ZNF724: variants seen among roughly 807,000 people sequenced by gnomAD.
ZNF724 encodes zinc finger protein 724.
ZNF724 carries 14 observed loss-of-function variants against 29.3 expected under a neutral mutation model. The ratio of observed to expected loss-of-function variants is 0.48; its 90% confidence interval spans 0.32 to 0.75. ZNF724 has a LOEUF of 0.75. Among genes scored for constraint, ZNF724 ranks in the 30% least tolerant of loss-of-function variants. ZNF724 has a pLI of 0.04. For missense variants in ZNF724, 557 were observed against 571.2 expected, an observed-to-expected ratio of 0.98 and a Z score of 0.25; for synonymous variants, 180 against 193.6, an observed-to-expected ratio of 0.93 and a Z score of 0.58.
At chr19:23,233,054 A>T (rs1440143150) in intron 1 of ZNF724, among the ~76,000 whole-genome samples, 1 of 152,216 alleles carries the variant, frequency 6.6e-6, no homozygotes, top group African/African-American at 2.4e-5. Flanking sequence ...CTGCACTAGG[A>T]CAAATTTTTA....
intron 1 of ZNF724, among the ~76,000 whole-genome samples, chr19:23,243,804 T>G (rs979609035): frequency 6.6e-6 from 1 of 151,264 alleles, no homozygotes; most frequent in Non-Finnish European, 1.5e-5. Flanking sequence ...GCACCTGTAA[T>G]CCCAACTACT....
At chr19:23,237,775 A>C (rs1972047126) in intron 1 of ZNF724, among the ~76,000 whole-genome samples, 1 of 152,014 alleles carries the variant, frequency 6.6e-6, no homozygotes, top group African/African-American at 2.4e-5. Flanking sequence ...TTGTCTACAA[A>C]CACTACACAT....
In ZNF724 at chr19:23,231,323, C is replaced by T. The variant is rs1480970140; in HGVS notation, c.169G>A (p.Glu57Lys). ...ATATTCCAGGGCTCTTTGCCTTGCTCCAGACAGGTGATCAGGTCTGGCTTA... is the reference window on the plus strand; with the variant it reads ...ATATTCCAGGGCTCTTTGCCTTGCTTCAGACAGGTGATCAGGTCTGGCTTA... ...VSKPDLITCL[E>K]QGKEPWNMER... The change falls in exon 3 of 4, where the codon GAG becomes AAG. Residue 57 changes from glutamate to lysine, a missense_variant. Glu to Lys is a moderately conservative substitution (Grantham distance 56, BLOSUM62 1). Transcript: ENST00000418100. 3.6e-6 allele frequency: 5 copies of T among 1,389,662 alleles called. No homozygotes were observed. The African/African-American group carries it at 5.7e-5, about 16-fold the overall frequency. The allele number at this position is 1,389,662 out of a possible 1,614,324, so 86.1% of individuals were successfully genotyped here. A position where few individuals can be genotyped will look rare whatever the true frequency, so the allele number is the denominator to read the frequency against.
intron 3 of ZNF724, among the ~76,000 whole-genome samples, chr19:23,227,100 T>C (rs541815011): frequency 6.6e-6 from 1 of 152,284 alleles, no homozygotes; most frequent in East Asian, 1.9e-4. Flanking sequence ...ATCACTGGCA[T>C]TAACTATATG....
chr19:23,242,148 T>C (rs1225698878), intron 1 of ZNF724, among the ~76,000 whole-genome samples: 2 of 152,082 alleles, frequency 1.3e-5, no homozygotes, highest in Non-Finnish European at 2.9e-5. Flanking sequence ...GAATAAGGTA[T>C]CTAGGAATAC....
intron 1 of ZNF724, among the ~76,000 whole-genome samples, chr19:23,239,511 T>C (rs1369968986): frequency 3.9e-5 from 6 of 152,182 alleles, no homozygotes; most frequent in Non-Finnish European, 8.8e-5. Context: ...CAATAAGTTC[T>C]TTGAAACAAA....
At chr19:23,229,724 T>C (rs1478935491) in intron 3 of ZNF724, among the ~76,000 whole-genome samples, 2 of 152,166 alleles carry the variant, frequency 1.3e-5, no homozygotes, top group South Asian at 2.1e-4. Context: ...TACAAACCCA[T>C]AGGGCATCCC....
intron 1 of ZNF724, among the ~76,000 whole-genome samples, chr19:23,240,337 A>G (rs1972098870): frequency 1.3e-5 from 2 of 151,918 alleles, no homozygotes; most frequent in Admixed American, 1.3e-4. Context: ...AAAACTGAGA[A>G]TGGCACTAAG....
At chr19:23,240,824 G>A (rs1440918392) in intron 1 of ZNF724, among the ~76,000 whole-genome samples, 1 of 151,748 alleles carries the variant, frequency 6.6e-6, no homozygotes, top group Non-Finnish European at 1.5e-5. Context: ...CTGAGGTCAG[G>A]AGTTCAAAAC....
chr19:23,231,452 T>C (rs1024889141), intron 2 of ZNF724, 91 bp from the exon 3 acceptor site: 5 of 902,118 alleles, frequency 5.5e-6, no homozygotes, highest in South Asian at 2.2e-5. Context: ...GAATACTAAA[T>C]TAATTACAAA....
rs777236249 is a variant in ZNF724, at chr19:23,250,218, A to T, written c.3+22T>A. 3 of 637,730 alleles carry T rather than the reference A, an allele frequency of 4.7e-6. No homozygotes were observed. The African/African-American group carries it at 5.6e-5, about 12-fold the overall frequency. The allele number at this position is 637,730 out of a possible 1,614,324, so 39.5% of individuals were successfully genotyped here. A position where few individuals can be genotyped will look rare whatever the true frequency, so the allele number is the denominator to read the frequency against. On this transcript the variant is annotated intron_variant, in intron 1 of 3. Transcript: ENST00000418100. ...AACCAGCCCCTCCCTCTCTCTCCGGATGTCGGAGCCGCCACTCTCACCATT... is the reference window on the plus strand; with the variant it reads ...AACCAGCCCCTCCCTCTCTCTCCGGTTGTCGGAGCCGCCACTCTCACCATT...
chr19:23,228,914 A>T (rs1170595577), intron 3 of ZNF724, among the ~76,000 whole-genome samples: 1 of 150,736 alleles, frequency 6.6e-6, no homozygotes, highest in Non-Finnish European at 1.5e-5. Context: ...AAAAAAAAAA[A>T]TTTTCCGGGC....
chr19:23,242,726 G>GTAATAATAA (rs34763800), intron 1 of ZNF724: 42 of 142,768 alleles, frequency 2.9e-4, no homozygotes, highest in African/African-American at 1.0e-3. Context: ...AAAAGAAAAA[G>GTAATAATAA]TAATAATAAT....
chr19:23,235,463 A>C (rs898492856), intron 1 of ZNF724, among the ~76,000 whole-genome samples: 1 of 152,202 alleles, frequency 6.6e-6, no homozygotes, highest in African/African-American at 2.4e-5. Context: ...ATGTCCCTGC[A>C]AGCACTGGTT....
intron 1 of ZNF724, among the ~76,000 whole-genome samples, chr19:23,241,336 A>G (rs1383771903): frequency 2.9e-4 from 44 of 152,238 alleles, no homozygotes; most frequent in Admixed American, 2.9e-3. Context: ...AAAAGCTGAT[A>G]TAATGCCTTT....
Position 23,222,360 on chromosome 19 carries a change from A to C in ZNF724, c.*25T>G. 1 of 910,498 alleles carries C rather than the reference A, an allele frequency of 1.1e-6. No individual in the cohort carries two copies. Among genetic ancestry groups the C allele is most frequent in the African/African-American group, 1.6e-5 (1 of 61,078 alleles). The allele number at this position is 910,498 out of a possible 1,614,324, so 56.4% of individuals were successfully genotyped here. On this transcript the variant is annotated 3_prime_UTR_variant, in exon 4 of 4. Transcript: ENST00000418100. ...CCAAAGTGCTGGGATTACAGGTGTG[A>C]GCCACCACGCCTGGTCCATTTTTCT...
chr19:23,245,165 A>C (rs1164909367), intron 1 of ZNF724, among the ~76,000 whole-genome samples: 5 of 152,188 alleles, frequency 3.3e-5, no homozygotes, highest in South Asian at 2.1e-4. Flanking sequence ...TTTTCTTCTT[A>C]TTCTCTTAGA....
intron 1 of ZNF724, among the ~76,000 whole-genome samples, chr19:23,234,298 A>C (rs1209697693): frequency 2.6e-5 from 4 of 152,238 alleles, no homozygotes; most frequent in African/African-American, 9.6e-5. Context: ...CCTGTGAAGA[A>C]GGCACAAGTA....
At chr19:23,233,781 C>T (rs1041503813) in intron 1 of ZNF724, among the ~76,000 whole-genome samples, 7 of 148,854 alleles carry the variant, frequency 4.7e-5, no homozygotes, top group African/African-American at 1.0e-4. Flanking sequence ...GCTCTTGATC[C>T]GAGACATGTT....
Sources: allele counts gnomAD v4.1 joint callset (sites outside exome capture counted in the v4.1 genomes callset), GRCh38; gene constraint gnomAD v4.1.1; transcripts MANE v1.5; gene names NCBI Gene and HGNC (gene_info 2026-07-23, HGNC 2026-07-21).